TPMT: variants seen among roughly 807,000 people sequenced by gnomAD.
TPMT encodes thiopurine S-methyltransferase.
A neutral mutation model predicts 34.2 loss-of-function variants in TPMT; 18 were observed. That is an observed-to-expected ratio of 0.53 (90% CI 0.36 to 0.78). The LOEUF (loss-of-function observed/expected upper bound fraction) is 0.78, where lower values mean the gene tolerates loss of function less well. TPMT is among the 30% of genes least tolerant of loss of function. The pLI is 0.00. For missense variants in TPMT, 265 were observed against 288.1 expected, an observed-to-expected ratio of 0.92 and a Z score of 0.58; for synonymous variants, 69 against 92.4, an observed-to-expected ratio of 0.75 and a Z score of 1.45.
At chr6:18,141,892 C>T (rs562515605) in intron 4 of TPMT, among the ~76,000 whole-genome samples, 32 of 152,294 alleles carry the variant, frequency 2.1e-4, no homozygotes, top group African/African-American at 7.2e-4. Flanking sequence ...GCAGTTTGTG[C>T]CAATCATGTT....
Position 18,138,930 on chromosome 6 carries a change from A to T in TPMT, c.494+33T>A. ...AAAAGTATAGTATACTAAAAAATTA[A>T]GACAGCTAAACAAAAAAAGAAAAAT... On this transcript the variant is annotated intron_variant, in intron 6 of 8. Coordinates refer to ENST00000309983, the MANE Select transcript of TPMT (RefSeq NM_000367.5). The surrounding 1 kb of genome is among the most constrained non-coding windows in gnomAD (Gnocchi z 4.1). 6.3e-7 allele frequency: 1 copy of T among 1,579,200 alleles called. No homozygotes were observed. The highest frequency in any genetic ancestry group is 8.7e-7 in the Non-Finnish European group (1 of 1,150,662).
At chr6:18,137,918 T>C (rs1334905420) in intron 6 of TPMT, among the ~76,000 whole-genome samples, 1 of 152,190 alleles carries the variant, frequency 6.6e-6, no homozygotes, top group Non-Finnish European at 1.5e-5. Flanking sequence ...CCTGAGTAGC[T>C]GGGATTACAG....
chr6:18,148,274 CA>C lies in TPMT; in HGVS notation c.141-360del, dbSNP rs1425906525. On this transcript the variant is annotated intron_variant, in intron 2 of 8. Coordinates refer to ENST00000309983, the MANE Select transcript of TPMT (RefSeq NM_000367.5). The surrounding 1 kb of genome is among the most constrained non-coding windows in gnomAD (Gnocchi z 4.1). ...ATGGTACGTTCTCTAAACGTGTACT[CA>C]AGCCTCGGAAGTAAACCTGAGAAGT... 2.0e-5 allele frequency among the ~76,000 whole-genome samples: 3 copies of C among 152,148 alleles called. No individual in the cohort carries two copies. The highest frequency in any genetic ancestry group is 7.2e-5 in the African/African-American group (3 of 41,434).
chr6:18,142,319 C>A (rs758015695), intron 4 of TPMT, among the ~76,000 whole-genome samples: 14 of 152,218 alleles, frequency 9.2e-5, no homozygotes, highest in Non-Finnish European at 1.8e-4. Flanking sequence ...AAGGTAGCCA[C>A]TTCACAACCT....
chr6:18,154,237 A>G lies in TPMT; in HGVS notation c.-45+796T>C, dbSNP rs1461896624. The stretch of plus-strand genomic sequence containing the variant: ...GAGAAATAAAGTTTATTTCTATAAT[A>G]CAAAAAAAGTGCACATTACAAGAAT... On this transcript the variant is annotated intron_variant, in intron 1 of 8. Transcript: ENST00000309983. This position sits in a 1 kb window ranked among gnomAD's most constrained non-coding sequence, Gnocchi z 4.2. Among the ~76,000 whole-genome samples the G allele has an allele frequency of 6.6e-6, 1 of 152,248 alleles. No individual in the cohort carries two copies. The highest frequency in any genetic ancestry group is 6.5e-5 in the Admixed American group (1 of 15,282).
chr6:18,144,802 C>T (rs193092813), intron 3 of TPMT, among the ~76,000 whole-genome samples: 1 of 151,102 alleles, frequency 6.6e-6, no homozygotes, highest in East Asian at 2.0e-4. Context: ...CTCACTGCAA[C>T]CTCCACCTCC....
chr6:18,139,123 C>T lies in TPMT; in HGVS notation c.420-86G>A, dbSNP rs923485672. On this transcript the variant is annotated intron_variant, in intron 5 of 8. Coordinates refer to ENST00000309983, the MANE Select transcript of TPMT (RefSeq NM_000367.5). This position sits in a 1 kb window ranked among gnomAD's most constrained non-coding sequence, Gnocchi z 4.2. ...GCGTCCCCCATGGTGCATGCTGGTA[C>T]TTCAACAATCGTCAAGGTATTAGGA... 2.6e-6 allele frequency: 3 copies of T among 1,148,900 alleles called. No individual in the cohort carries two copies. The highest frequency in any genetic ancestry group is 4.0e-6 in the Non-Finnish European group (3 of 756,318). 71.2% of individuals were successfully genotyped at this position (1,148,900 alleles called of 1,614,324 possible). A position where few individuals can be genotyped will look rare whatever the true frequency, so the allele number is the denominator to read the frequency against.
At position 18,139,274 on chromosome 6, in the gene TPMT, G is replaced by A. The variant is rs1012344905; in HGVS notation, c.420-237C>T. On this transcript the variant is annotated intron_variant, in intron 5 of 8. Transcript: ENST00000309983. This position sits in a 1 kb window ranked among gnomAD's most constrained non-coding sequence, Gnocchi z 4.2. ...CTCTGTTATGATTTGGGGACATGAA[G>A]AAGGAACAAAGGACAGTGTGCAACA... Among the ~76,000 whole-genome samples, 6 of 152,216 alleles carry A rather than the reference G, an allele frequency of 3.9e-5. No individual in the cohort carries two copies. Among genetic ancestry groups the A allele is most frequent in the African/African-American group, 1.4e-4 (6 of 41,452 alleles).
intron 6 of TPMT, among the ~76,000 whole-genome samples, chr6:18,134,390 C>T (rs577039097): frequency 1.3e-5 from 2 of 152,290 alleles, no homozygotes; most frequent in South Asian, 4.1e-4. Context: ...GGGACCCCTC[C>T]AGGGGCCTTA....
Position 18,154,730 on chromosome 6 carries a change from G to A in TPMT, c.-45+303C>T, listed in dbSNP as rs535598742. ...CCAGGTTACAGTGAGCTATGATTGT[G>A]CCACTGCACGCTAGCATGGGCGACA... is the stretch of plus-strand genomic sequence containing the variant. On this transcript the variant is annotated intron_variant, in intron 1 of 8. Coordinates refer to ENST00000309983, the MANE Select transcript of TPMT (RefSeq NM_000367.5). This position sits in a 1 kb window ranked among gnomAD's most constrained non-coding sequence, Gnocchi z 4.2. Among the ~76,000 whole-genome samples the A allele has an allele frequency of 1.9e-4, 29 of 152,192 alleles. No individual in the cohort carries two copies. In the South Asian group the frequency reaches 6.0e-3, roughly 32 times the overall value.
Position 18,149,883 on chromosome 6 carries a change from T to C in TPMT, c.-44-712A>G, listed in dbSNP as rs559774760. 6.6e-6 allele frequency among the ~76,000 whole-genome samples: 1 copy of C among 152,336 alleles called. No individual in the cohort carries two copies. The highest frequency in any genetic ancestry group is 1.5e-5 in the Non-Finnish European group (1 of 68,024). ...TTAAATAAACTGAATTCTATCTTAATATTAGTGTTTCCTCTGCTCTCACAC... is the reference window on the plus strand; with the variant it reads ...TTAAATAAACTGAATTCTATCTTAACATTAGTGTTTCCTCTGCTCTCACAC... On this transcript the variant is annotated intron_variant, in intron 1 of 8. Coordinates refer to ENST00000309983, the MANE Select transcript of TPMT (RefSeq NM_000367.5). The surrounding 1 kb of genome is among the most constrained non-coding windows in gnomAD (Gnocchi z 5.0).
Position 18,130,212 on chromosome 6 carries a change from G to A in TPMT, c.*456C>T, listed in dbSNP as rs1441423093. ...AGGCAGGAGAATCACCTGAACCTGG[G>A]AGGCAGAGGTTGCAGTGAGCTGAGA... On this transcript the variant is annotated 3_prime_UTR_variant, in exon 9 of 9. Transcript: ENST00000309983. This position sits in a 1 kb window ranked among gnomAD's most constrained non-coding sequence, Gnocchi z 4.2. 2 of 164,824 alleles carry A rather than the reference G, an allele frequency of 1.2e-5. No individual in the cohort carries two copies. Among genetic ancestry groups the A allele is most frequent in the Non-Finnish European group, 1.3e-5 (1 of 76,790 alleles). The allele number at this position is 164,824 out of a possible 1,614,324, so 10.2% of individuals were successfully genotyped here.
rs767249628 is a variant in TPMT at position 18,139,100 on chromosome 6, G to A, written c.420-63C>T. The A allele has an allele frequency of 2.1e-5, 28 of 1,359,264 alleles. No individual in the cohort carries two copies. The highest frequency in any genetic ancestry group is 2.3e-5 in the South Asian group (2 of 86,188). The allele number at this position is 1,359,264 out of a possible 1,614,324, so 84.2% of individuals were successfully genotyped here. A position where few individuals can be genotyped will look rare whatever the true frequency, so the allele number is the denominator to read the frequency against. On this transcript the variant is annotated intron_variant, in intron 5 of 8. Transcript: ENST00000309983. The surrounding 1 kb of genome is among the most constrained non-coding windows in gnomAD (Gnocchi z 4.2). ...TCAAATCTTTAAGAAGATGAGCAGCGTCCCCCATGGTGCATGCTGGTACTT... is the reference window on the plus strand; with the variant it reads ...TCAAATCTTTAAGAAGATGAGCAGCATCCCCCATGGTGCATGCTGGTACTT...
Position 18,148,063 on chromosome 6 carries a change from A to G in TPMT, c.141-148T>C. On this transcript the variant is annotated intron_variant, in intron 2 of 8. Coordinates refer to ENST00000309983, the MANE Select transcript of TPMT (RefSeq NM_000367.5). The surrounding 1 kb of genome is among the most constrained non-coding windows in gnomAD (Gnocchi z 4.1). The stretch of plus-strand genomic sequence containing the variant: ...CCAGCTTACATATGAAGAAACAGGT[A>G]ACTTGCTCAGACACACACCCAGTCA... The G allele has an allele frequency of 1.5e-6, 1 of 679,638 alleles. No individual in the cohort carries two copies. The allele number at this position is 679,638 out of a possible 1,614,324, so 42.1% of individuals were successfully genotyped here. A position where few individuals can be genotyped will look rare whatever the true frequency, so the allele number is the denominator to read the frequency against.
chr6:18,141,780 G>A (rs942606557), intron 4 of TPMT, among the ~76,000 whole-genome samples: 1 of 152,176 alleles, frequency 6.6e-6, no homozygotes, highest in African/African-American at 2.4e-5. Flanking sequence ...GGCAGATAGG[G>A]AGGATACGGA....
chr6:18,146,365 A>T lies in TPMT; in HGVS notation c.233+1458T>A, dbSNP rs1047276839. ...CAAGCGTACGCTGCCATGCCTGGCTAATTTTTGTATTTTTAGTAGAGATGG... is the reference window on the plus strand; with the variant it reads ...CAAGCGTACGCTGCCATGCCTGGCTTATTTTTGTATTTTTAGTAGAGATGG... On this transcript the variant is annotated intron_variant, in intron 3 of 8. Coordinates refer to ENST00000309983, the MANE Select transcript of TPMT (RefSeq NM_000367.5). This position sits in a 1 kb window ranked among gnomAD's most constrained non-coding sequence, Gnocchi z 6.2. Among the ~76,000 whole-genome samples the T allele has an allele frequency of 6.6e-6, 1 of 151,922 alleles. No homozygotes were observed. Among genetic ancestry groups the T allele is most frequent in the Non-Finnish European group, 1.5e-5 (1 of 67,990 alleles).
rs1208079829 is a variant in TPMT, at chr6:18,130,330, T to C, written c.*338A>G. The C allele has an allele frequency of 4.5e-6, 1 of 220,524 alleles. No homozygotes were observed. The highest frequency in any genetic ancestry group is 9.1e-6 in the Non-Finnish European group (1 of 110,342). The allele number at this position is 220,524 out of a possible 1,614,324, so 13.7% of individuals were successfully genotyped here. A position where few individuals can be genotyped will look rare whatever the true frequency, so the allele number is the denominator to read the frequency against. ...AATGCCAGTTTTTCTGTGTGTATTATATTTAATATGCATTGCATTTTGAAA... is the reference window on the plus strand; with the variant it reads ...AATGCCAGTTTTTCTGTGTGTATTACATTTAATATGCATTGCATTTTGAAA... On this transcript the variant is annotated 3_prime_UTR_variant, in exon 9 of 9. Coordinates refer to ENST00000309983, the MANE Select transcript of TPMT (RefSeq NM_000367.5). This position sits in a 1 kb window ranked among gnomAD's most constrained non-coding sequence, Gnocchi z 4.2.
At position 18,148,884 on chromosome 6, in the gene TPMT, T is replaced by C. The variant is rs879204243; in HGVS notation, c.140+104A>G. 11 of 1,538,072 alleles carry C rather than the reference T, an allele frequency of 7.2e-6. No homozygotes were observed. The Admixed American group carries it at 1.8e-4, about 26-fold the overall frequency. ...AGACACAAAAATGTGAAGAATTAAA[T>C]GTGCATCCTAAAAGTTAGTCAAATA... On this transcript the variant is annotated intron_variant, in intron 2 of 8. Coordinates refer to ENST00000309983, the MANE Select transcript of TPMT (RefSeq NM_000367.5). This position sits in a 1 kb window ranked among gnomAD's most constrained non-coding sequence, Gnocchi z 4.1.
At position 18,150,203 on chromosome 6, in the gene TPMT, C is replaced by A. The variant is rs553433997; in HGVS notation, c.-44-1032G>T. ...AAACCTCAGAGAAATACTTAGTTATCTTTGCACATTTATTATAAAGGATAC... is the reference window on the plus strand; with the variant it reads ...AAACCTCAGAGAAATACTTAGTTATATTTGCACATTTATTATAAAGGATAC... On this transcript the variant is annotated intron_variant, in intron 1 of 8. Transcript: ENST00000309983. This position sits in a 1 kb window ranked among gnomAD's most constrained non-coding sequence, Gnocchi z 5.3. Among the ~76,000 whole-genome samples, 2 of 152,156 alleles carry A rather than the reference C, an allele frequency of 1.3e-5. No individual in the cohort carries two copies. The highest frequency in any genetic ancestry group is 4.8e-5 in the African/African-American group (2 of 41,442).
Sources: allele counts gnomAD v4.1 joint callset (sites outside exome capture counted in the v4.1 genomes callset), GRCh38; gene constraint gnomAD v4.1.1; non-coding constraint Gnocchi (gnomAD v3.1); transcripts MANE v1.5; gene names NCBI Gene and HGNC (gene_info 2026-07-23, HGNC 2026-07-21).